Variants in IGF2BP2 observed in about 807,000 individuals in gnomAD.
IGF2BP2 encodes the protein insulin-like growth factor 2 mRNA-binding protein 2.
IGF2BP2 carries 17 observed loss-of-function variants against 75.8 expected under a neutral mutation model. That is an observed-to-expected ratio of 0.22 (90% CI 0.15 to 0.34). IGF2BP2 has a LOEUF of 0.34. Ranked by LOEUF, IGF2BP2 falls within the 10% of genes least tolerant of loss-of-function variation. IGF2BP2 has a pLI of 1.00. For synonymous variants in IGF2BP2, 288 were observed against 295.6 expected, an observed-to-expected ratio of 0.97 and a Z score of 0.26; for missense variants, 516 against 772.4, an observed-to-expected ratio of 0.67 and a Z score of 3.93.
intron 2 of IGF2BP2, among the ~76,000 whole-genome samples, chr3:185,710,689 C>T (rs999267358): frequency 1.2e-4 from 18 of 151,782 alleles, no homozygotes; most frequent in African/African-American, 4.4e-4. Context: ...GCCAAGATCG[C>T]GCCACTCCAC....
At chr3:185,743,209 A>G (rs1729805785) in intron 2 of IGF2BP2, among the ~76,000 whole-genome samples, 1 of 152,222 alleles carries the variant, frequency 6.6e-6, no homozygotes, top group South Asian at 2.1e-4. Context: ...AGTAACAAAT[A>G]AAACACACCA....
intron 2 of IGF2BP2, among the ~76,000 whole-genome samples, chr3:185,747,046 T>C (rs985638549): frequency 2.0e-5 from 3 of 152,148 alleles, no homozygotes; most frequent in Admixed American, 6.5e-5. Context: ...GCCAGAGACC[T>C]AGAAAACTCC....
intron 2 of IGF2BP2, among the ~76,000 whole-genome samples, chr3:185,800,278 A>G (rs1011208963): frequency 2.6e-5 from 4 of 152,128 alleles, no homozygotes; most frequent in African/African-American, 9.6e-5. Flanking sequence ...GGCCTGTCGG[A>G]GAGTGGGGGA....
At chr3:185,781,278 C>A (rs560274637) in intron 2 of IGF2BP2, among the ~76,000 whole-genome samples, 1 of 152,250 alleles carries the variant, frequency 6.6e-6, no homozygotes, top group South Asian at 2.1e-4. Flanking sequence ...ACTATGTATC[C>A]ATCTCCCAGC....
chr3:185,755,448 G>A (rs1259289948), intron 2 of IGF2BP2, among the ~76,000 whole-genome samples: 1 of 152,172 alleles, frequency 6.6e-6, no homozygotes, highest in East Asian at 1.9e-4. Context: ...CCCCACCAGG[G>A]TACTGCCTAG....
Position 185,686,640 on chromosome 3 carries a change from C to T in IGF2BP2, c.812+417G>A, listed in dbSNP as rs552826056. ...GGGCATTAGCTATACACATGGCTAC[C>T]AAACTCTGAGTAAAAAAATAAAACA... On this transcript the variant is annotated intron_variant, in intron 7 of 15. Coordinates refer to ENST00000382199, the MANE Select transcript of IGF2BP2 (RefSeq NM_006548.6). Among the ~76,000 whole-genome samples, 7 of 152,140 alleles carry T rather than the reference C, an allele frequency of 4.6e-5. No homozygotes were observed. The South Asian group carries it at 1.5e-3, about 32-fold the overall frequency.
At chr3:185,799,993 G>T (rs543805785) in intron 2 of IGF2BP2, among the ~76,000 whole-genome samples, 2 of 152,278 alleles carry the variant, frequency 1.3e-5, no homozygotes, top group East Asian at 3.9e-4. Context: ...CTTTACTGTG[G>T]CACTATTCAC....
chr3:185,726,485 G>A (rs1039497873), intron 2 of IGF2BP2, among the ~76,000 whole-genome samples: 1 of 152,128 alleles, frequency 6.6e-6, no homozygotes, highest in African/African-American at 2.4e-5. Flanking sequence ...GGTATAAAGT[G>A]GGCACAGGAA....
At chr3:185,654,096 G>A (rs1024680071) in intron 12 of IGF2BP2, among the ~76,000 whole-genome samples, 7 of 152,152 alleles carry the variant, frequency 4.6e-5, no homozygotes, top group African/African-American at 1.2e-4. Flanking sequence ...ACCCTGTCCC[G>A]CTCTGGAAGG....
At chr3:185,811,579 G>A (rs1473740317) in intron 2 of IGF2BP2, among the ~76,000 whole-genome samples, 2 of 152,042 alleles carry the variant, frequency 1.3e-5, no homozygotes, top group Non-Finnish European at 2.9e-5. Context: ...AATCAGATTT[G>A]GGAACACTGG....
chr3:185,821,197 C>A (rs1352897267), intron 2 of IGF2BP2: 3 of 1,360,200 alleles, frequency 2.2e-6, no homozygotes, highest in Non-Finnish European at 2.9e-6. Flanking sequence ...TTAAAACCAT[C>A]CAATCAGAAA....
chr3:185,737,629 G>C (rs1729028083), intron 2 of IGF2BP2, among the ~76,000 whole-genome samples: 1 of 152,196 alleles, frequency 6.6e-6, no homozygotes, highest in South Asian at 2.1e-4. Context: ...GGCATTCGCA[G>C]TAACAGTTAC....
At chr3:185,801,428 G>A (rs1738246744) in intron 2 of IGF2BP2, among the ~76,000 whole-genome samples, 1 of 150,126 alleles carries the variant, frequency 6.7e-6, no homozygotes, top group African/African-American at 2.5e-5. Context: ...GGCGGAGGTT[G>A]TGGTGAGCCG....
chr3:185,777,714 G>C (rs1734697332), intron 2 of IGF2BP2, among the ~76,000 whole-genome samples: 1 of 152,138 alleles, frequency 6.6e-6, no homozygotes, highest in South Asian at 2.1e-4. Flanking sequence ...AGCTAAAATT[G>C]TAAGGAGCAT....
intron 2 of IGF2BP2, chr3:185,728,311 C>T (rs138551372): frequency 0.024 from 3,613 of 152,466 alleles, 48 homozygotes; most frequent in Middle Eastern, 0.046. Context: ...AGCCCATCAG[C>T]GCCTTGACTC....
chr3:185,652,173 G>A lies in IGF2BP2; in HGVS notation c.1387-5C>T, dbSNP rs1214707702. 1.2e-6 allele frequency: 2 copies of A among 1,609,226 alleles called. No individual in the cohort carries two copies. The highest frequency in any genetic ancestry group is 1.1e-5 in the South Asian group (1 of 90,588). ...TGGGCCTTCCGCAGGGGCAATCTGT[G>A]GTTCACAGGAGAGGAAAACGCTGAT... On this transcript the variant is annotated splice_polypyrimidine_tract_variant and splice_region_variant and intron_variant, in intron 12 of 15. Transcript: ENST00000382199.
intron 2 of IGF2BP2, among the ~76,000 whole-genome samples, chr3:185,753,143 T>C (rs34016742): frequency 0.024 from 3,608 of 152,294 alleles, 71 homozygotes; most frequent in Middle Eastern, 0.054. Context: ...TAAAACCAAC[T>C]ACTGTGAGTG....
chr3:185,803,253 A>G (rs1738524877), intron 2 of IGF2BP2, among the ~76,000 whole-genome samples: 1 of 152,208 alleles, frequency 6.6e-6, no homozygotes, highest in Admixed American at 6.5e-5. Context: ...TAGGAGGCTG[A>G]GGCAGGATAA....
At chr3:185,756,591 T>C (rs924496797) in intron 2 of IGF2BP2, among the ~76,000 whole-genome samples, 3 of 152,266 alleles carry the variant, frequency 2.0e-5, no homozygotes, top group Middle Eastern at 3.4e-3. Flanking sequence ...CACCTAAACA[T>C]ATCTATAAGC....
Sources: allele counts gnomAD v4.1 joint callset (sites outside exome capture counted in the v4.1 genomes callset), GRCh38; gene constraint gnomAD v4.1.1; transcripts MANE v1.5; gene names NCBI Gene and HGNC (gene_info 2026-07-23, HGNC 2026-07-21).